STX18: variants seen among roughly 807,000 people sequenced by gnomAD.
The protein encoded by STX18 is syntaxin 18.
In STX18, 40 loss-of-function variants were observed where a neutral mutation model predicts 50.1. That is an observed-to-expected ratio of 0.80 (90% CI 0.62 to 1.04). STX18 has a LOEUF of 1.04. Ranked by LOEUF, STX18 falls within the 50% of genes least tolerant of loss-of-function variation. STX18 has a pLI of 0.00. For missense variants in STX18, 410 were observed against 415.8 expected, an observed-to-expected ratio of 0.99 and a Z score of 0.12; for synonymous variants, 158 against 151.8, an observed-to-expected ratio of 1.04 and a Z score of -0.30.
chr4:4,444,669 CTATGAG>C (rs1026607657), intron 5 of STX18, among the ~76,000 whole-genome samples: 1 of 152,180 alleles, frequency 6.6e-6, no homozygotes, highest in South Asian at 2.1e-4. Context: ...TATACTGTAA[CTATGAG>C]TATAATAGTG....
chr4:4,482,594 T>G (rs563501279), intron 1 of STX18, among the ~76,000 whole-genome samples: 2 of 152,376 alleles, frequency 1.3e-5, no homozygotes, highest in Admixed American at 1.3e-4. Flanking sequence ...CAGCTCCATC[T>G]ACCAGCTTCT....
chr4:4,485,232 T>C (rs568871836), intron 1 of STX18, among the ~76,000 whole-genome samples: 1 of 152,360 alleles, frequency 6.6e-6, no homozygotes, highest in South Asian at 2.1e-4. Context: ...TACAGGTCAC[T>C]GATGAAAATA....
chr4:4,435,924 G>A (rs1725752885), intron 6 of STX18, among the ~76,000 whole-genome samples: 1 of 152,242 alleles, frequency 6.6e-6, no homozygotes, highest in Non-Finnish European at 1.5e-5. Context: ...GAGCGGAGGG[G>A]AGAGGGATGG....
chr4:4,516,691 AACG>A (rs1172844722), intron 1 of STX18, among the ~76,000 whole-genome samples: 2 of 152,218 alleles, frequency 1.3e-5, no homozygotes, highest in Non-Finnish European at 2.9e-5. Context: ...ATTCTTGACT[AACG>A]TGCTATGCAT....
In STX18 at chr4:4,465,124, G is replaced by A. The variant is rs75406081; in HGVS notation, c.237-5637C>T. Among the ~76,000 whole-genome samples the A allele has an allele frequency of 5.1e-3, 778 of 152,258 alleles. 2 individuals are homozygous for A. The highest frequency in any genetic ancestry group is 0.014 in the East Asian group (74 of 5,178). On this transcript the variant is annotated intron_variant, in intron 2 of 10. Transcript: ENST00000306200. ...AGCTGCATCCCAGAGATTCTGGTAA[G>A]TTTTATCTTTGTTCTGTTGGTGGGA...
At chr4:4,477,564 A>G (rs768990753) in intron 1 of STX18, among the ~76,000 whole-genome samples, 8 of 152,220 alleles carry the variant, frequency 5.3e-5, no homozygotes, top group Non-Finnish European at 8.8e-5. Context: ...CAGTGACAGC[A>G]TCATGGCTGC....
At chr4:4,501,469 T>C (rs1402510486) in intron 1 of STX18, among the ~76,000 whole-genome samples, 1 of 152,196 alleles carries the variant, frequency 6.6e-6, no homozygotes, top group Non-Finnish European at 1.5e-5. Flanking sequence ...CTTTCACTCG[T>C]TAGTGATTAT....
At chr4:4,495,395 CTCTTTCTT>C (rs1341603450) in intron 1 of STX18, among the ~76,000 whole-genome samples, 28 of 152,012 alleles carry the variant, frequency 1.8e-4, no homozygotes, top group African/African-American at 6.0e-4. Flanking sequence ...CTCTCTTTCT[CTCTTTCTT>C]TCTGAGACAA....
At chr4:4,429,569 T>C (rs1282292275) in intron 7 of STX18, among the ~76,000 whole-genome samples, 1 of 152,202 alleles carries the variant, frequency 6.6e-6, no homozygotes, top group Non-Finnish European at 1.5e-5. Flanking sequence ...TGCCCAGCCC[T>C]TTCTGGACTC....
chr4:4,501,502 AG>A (rs1729459555), intron 1 of STX18, among the ~76,000 whole-genome samples: 1 of 152,204 alleles, frequency 6.6e-6, no homozygotes, highest in Non-Finnish European at 1.5e-5. Flanking sequence ...AATCTATATG[AG>A]GGAAAATAAG....
intron 1 of STX18, among the ~76,000 whole-genome samples, chr4:4,486,417 T>C (rs1728701619): frequency 6.6e-6 from 1 of 152,228 alleles, no homozygotes; most frequent in South Asian, 2.1e-4. Context: ...TGACAATTCA[T>C]AACAGACAAC....
rs1199841888 is a variant in STX18 at position 4,420,993 on chromosome 4, C to G, written c.832-49G>C. 1.3e-6 allele frequency: 2 copies of G among 1,581,790 alleles called. No individual in the cohort carries two copies. The highest frequency in any genetic ancestry group is 1.1e-5 in the South Asian group (1 of 90,370). ...AGTTGAGTATCCTTTATCCAAAAAC[C>G]TGAAACCCAAAATGCTCCAACGAGC... On this transcript the variant is annotated intron_variant, in intron 9 of 10. Coordinates refer to ENST00000306200, the MANE Select transcript of STX18 (RefSeq NM_016930.4). The surrounding 1 kb of genome is among the most constrained non-coding windows in gnomAD (Gnocchi z 4.3).
Position 4,422,396 on chromosome 4 carries a change from G to A in STX18, c.831+1122C>T, listed in dbSNP as rs557672420. ...AGCCTGGCCAAGATGGTGAAACCCC[G>A]TCTTTACTAAAAATACCAAAATTAG... On this transcript the variant is annotated intron_variant, in intron 9 of 10. Transcript: ENST00000306200. Among the ~76,000 whole-genome samples the A allele has an allele frequency of 8.6e-5, 13 of 151,940 alleles. No individual in the cohort carries two copies. The South Asian group carries it at 2.1e-3, about 24-fold the overall frequency.
At chr4:4,540,374 G>C (rs1350699877) in intron 1 of STX18, among the ~76,000 whole-genome samples, 1 of 152,172 alleles carries the variant, frequency 6.6e-6, no homozygotes, top group Non-Finnish European at 1.5e-5. Context: ...CAATTTTTAT[G>C]AGAGTCCCAC....
At chr4:4,426,962 A>G (rs1725271226) in intron 7 of STX18, among the ~76,000 whole-genome samples, 2 of 152,150 alleles carry the variant, frequency 1.3e-5, no homozygotes, top group African/African-American at 2.4e-5. Flanking sequence ...AACCCCAGGC[A>G]TCTTCCTAGC....
At chr4:4,529,925 A>AGAAAGTCTGGATTGGAAATCCAGCT (rs1731016493) in intron 1 of STX18, among the ~76,000 whole-genome samples, 1 of 152,340 alleles carries the variant, frequency 6.6e-6, no homozygotes, top group African/African-American at 2.4e-5. Flanking sequence ...ATATAGATTA[A>AGAAAGTCTGGATTGGAAATCCAGCT]GAAAGTCTGG....
rs1402975077 is a variant in STX18 at position 4,516,826 on chromosome 4, CAAT to C, written c.168+24968_168+24970del. Among the ~76,000 whole-genome samples the C allele has an allele frequency of 5.9e-5, 9 of 152,084 alleles. No homozygotes were observed. The South Asian group carries it at 1.0e-3, about 18-fold the overall frequency. On this transcript the variant is annotated intron_variant, in intron 1 of 10. Coordinates refer to ENST00000306200, the MANE Select transcript of STX18 (RefSeq NM_016930.4). ...TAACATTTTGTATCACTTGCAGTAA[CAAT>C]GATGTTGTTATATAACAACATATTA...
intron 1 of STX18, among the ~76,000 whole-genome samples, chr4:4,475,245 C>T (rs996566119): frequency 2.6e-4 from 40 of 151,980 alleles, no homozygotes; most frequent in African/African-American, 8.2e-4. Flanking sequence ...TTCTATGAAA[C>T]GAGGTTATTA....
intron 1 of STX18, among the ~76,000 whole-genome samples, chr4:4,510,044 C>T (rs1560201521): frequency 1.3e-5 from 2 of 152,014 alleles, no homozygotes; most frequent in African/African-American, 4.8e-5. Flanking sequence ...GAGGTCTGAC[C>T]TGGAAATATA....
Sources: gnomAD v4.1 joint callset for allele counts (sites outside exome capture counted in the v4.1 genomes callset) on GRCh38, gnomAD v4.1.1 for gene constraint, Gnocchi (gnomAD v3.1) non-coding constraint, MANE v1.5 for transcripts, NCBI Gene and HGNC (gene_info 2026-07-23, HGNC 2026-07-21) for gene names.